MATN3: variants seen among roughly 807,000 people sequenced by gnomAD.
MATN3 encodes the protein matrilin-3.
A neutral mutation model predicts 45.3 loss-of-function variants in MATN3; 48 were observed. The ratio of observed to expected loss-of-function variants is 1.06; its 90% CI spans 0.84 to 1.35. The LOEUF is 1.35. Among genes scored for constraint, MATN3 ranks in the 40% most tolerant of loss-of-function variants. MATN3 has a pLI of 0.00. For synonymous variants in MATN3, 217 were observed against 245.9 expected (o/e 0.88, Z 1.10); for missense variants, 599 against 628.0 (o/e 0.95, Z 0.49).
intron 2 of MATN3, 138 bp downstream of exon 2, chr2:20,005,606 G>GCACACA (rs147178840): frequency 1.4e-6 from 1 of 699,108 alleles, no homozygotes; most frequent in African/African-American, 1.8e-5. Context: ...ATGCACACGT[G>GCACACA]CACACACACA....
At chr2:20,009,014 C>T (rs566497441) in intron 1 of MATN3, among the ~76,000 whole-genome samples, 1 of 152,070 alleles carries the variant, frequency 6.6e-6, no homozygotes, top group South Asian at 2.1e-4. Flanking sequence ...CACTTGAGCT[C>T]CGGAGTTCTA....
intron 1 of MATN3, 65 bp from the exon 2 acceptor site, chr2:20,006,375 C>A (rs1016672982): frequency 2.4e-5 from 31 of 1,303,492 alleles, no homozygotes; most frequent in Non-Finnish European, 2.9e-5. Context: ...TTCCAGAGAA[C>A]TCTGGGATTC....
intron 3 of MATN3, 111 bp from the exon 4 acceptor site, chr2:20,002,191 C>CACACACACACACCCAG: frequency 1.3e-6 from 1 of 756,946 alleles, no homozygotes; most frequent in Non-Finnish European, 2.0e-6. Context: ...CACACACACA[C>CACACACACACACCCAG]AGAGCTAATG....
At chr2:19,994,457 T>G in intron 6 of MATN3, 48 bp from the exon 7 acceptor site, 1 of 1,047,412 alleles carries the variant, frequency 9.5e-7, no homozygotes, top group Non-Finnish European at 1.4e-6. Context: ...AATAGCTATA[T>G]AGGAATCATA....
chr2:19,992,314 G>T lies in MATN3; in HGVS notation c.*797C>A, dbSNP rs1672773411. ...AGCACTTTGGGAGGCTGAGGCAGGT[G>T]GATCACTAACATTAAAAAGACAACA... On this transcript the variant is annotated 3_prime_UTR_variant, in exon 8 of 8. Transcript: ENST00000407540. 1 of 152,014 alleles carries T rather than the reference G, an allele frequency of 6.6e-6. No homozygotes were observed. 9.4% of individuals were successfully genotyped at this position (152,014 alleles called of 1,614,324 possible).
chr2:20,006,057 G>C lies in MATN3; in HGVS notation c.477C>G (p.Gly159=), dbSNP rs1673099589. ...AVGRITPLST[G]TMSGLAIQTA... ...TCTGGATGGCTAGGCCTGACATGGTGCCTGTTGACAAGGGTGTGATTCGAC... is the reference window on the plus strand; with the variant it reads ...TCTGGATGGCTAGGCCTGACATGGTCCCTGTTGACAAGGGTGTGATTCGAC... The change falls in exon 2 of 8, where the codon GGC becomes GGG. Residue 159 remains glycine (G), a synonymous_variant. Coordinates refer to ENST00000407540, the MANE Select transcript of MATN3 (RefSeq NM_002381.5). 7.4e-6 allele frequency: 12 copies of C among 1,614,042 alleles called. No homozygotes were observed. The East Asian group carries it at 2.7e-4, about 36-fold the overall frequency.
rs554056080 is a variant in MATN3 at position 19,995,511 on chromosome 2, G to A, written c.1295-1102C>T. ...GGTTAAGTCCTGATTTCCTCTAGAG[G>A]ACTGTTATTCTATTTAATGGTTTGA... On this transcript the variant is annotated intron_variant, in intron 6 of 7. Transcript: ENST00000407540. The surrounding 1 kb of genome is among the most constrained non-coding windows in gnomAD (Gnocchi z 4.2). Among the ~76,000 whole-genome samples the A allele has an allele frequency of 6.6e-6, 1 of 152,270 alleles. No individual in the cohort carries two copies. Among genetic ancestry groups the A allele is most frequent in the African/African-American group, 2.4e-5 (1 of 41,542 alleles).
At chr2:20,009,982 G>A (rs1158843053) in intron 1 of MATN3, among the ~76,000 whole-genome samples, 2 of 145,072 alleles carry the variant, frequency 1.4e-5, no homozygotes, top group African/African-American at 2.6e-5. Flanking sequence ...TGACCATCTT[G>A]AGCACATGTA....
chr2:20,002,047 C>T lies in MATN3; in HGVS notation c.950G>A (p.Cys317Tyr). Residue 317 changes from cysteine to tyrosine, a missense_variant, in exon 4 of 8, where the codon TGT (cysteine) becomes TAT (tyrosine). Physicochemically the swap from Cys to Tyr is radical, Grantham distance 194. Coordinates refer to ENST00000407540, the MANE Select transcript of MATN3 (RefSeq NM_002381.5). Reference sequence around the variant, plus strand: ...TCTGTCATTCACACAGATGTGCTCACATCCGTGGGTGTTAAGAGCACACCT... The same window carrying T: ...TCTGTCATTCACACAGATGTGCTCATATCCGTGGGTGTTAAGAGCACACCT... ...LDRCALNTHGCEHICVNDRSG... is the reference protein window; with the variant it reads ...LDRCALNTHGYEHICVNDRSG... 1.9e-6 allele frequency: 3 copies of T among 1,613,394 alleles called. No homozygotes were observed. The highest frequency in any genetic ancestry group is 1.1e-5 in the South Asian group (1 of 91,014).
In MATN3 at chr2:19,993,125, G is replaced by A; in HGVS notation, c.1447C>T (p.Gln483Ter). The change falls in exon 8 of 8, where the codon CAA becomes TAA. Residue 483 changes from glutamine (Q) to a stop codon, truncating the protein, a stop_gained. Transcript: ENST00000407540. LOFTEE classifies it high-confidence loss of function. ...ATTGGAGCAATTTAACGATGTATTT[G>A]TCCATATTCATTTATTTTCAACTTC... ...LEKLKINEYG[Q>*]IHR The A allele has an allele frequency of 1.2e-6, 2 of 1,612,534 alleles. No individual in the cohort carries two copies. The highest frequency in any genetic ancestry group is 1.7e-6 in the Non-Finnish European group (2 of 1,178,850).
intron 7 of MATN3, 149 bp downstream of exon 7, chr2:19,994,150 C>G (rs1672815167): frequency 1.7e-6 from 1 of 580,932 alleles, no homozygotes; most frequent in African/African-American, 1.9e-5. Context: ...GAAAAGAACT[C>G]TAAATTTTTT....
intron 1 of MATN3, among the ~76,000 whole-genome samples, chr2:20,009,178 T>C (rs2103485467): frequency 7.2e-6 from 1 of 139,044 alleles, no homozygotes; most frequent in Non-Finnish European, 1.5e-5. Context: ...TGAGCCACAA[T>C]CACACCACTG....
chr2:20,007,691 ACC>A (rs2103484864), intron 1 of MATN3, among the ~76,000 whole-genome samples: 1 of 152,258 alleles, frequency 6.6e-6, no homozygotes, highest in South Asian at 2.1e-4. Flanking sequence ...TTATTCATTC[ACC>A]AAAAACATTT....
At chr2:20,000,237 A>C (rs946699078) in intron 5 of MATN3, among the ~76,000 whole-genome samples, 1 of 152,042 alleles carries the variant, frequency 6.6e-6, no homozygotes, top group Non-Finnish European at 1.5e-5. Flanking sequence ...CTCCCTACCT[A>C]TTTCCCAGTA....
In MATN3 at chr2:19,992,971, T is replaced by G. The variant is rs1672788383; in HGVS notation, c.*140A>C. The G allele has an allele frequency of 1.5e-6, 1 of 678,022 alleles. No individual in the cohort carries two copies. The highest frequency in any genetic ancestry group is 2.6e-6 in the Non-Finnish European group (1 of 384,200). 42.0% of individuals were successfully genotyped at this position (678,022 alleles called of 1,614,324 possible). A position where few individuals can be genotyped will look rare whatever the true frequency, so the allele number is the denominator to read the frequency against. ...ATTCTGCAGAAGATCTTCATACAAT[T>G]TATCCAGTAATATTCAAGCATTAAT... On this transcript the variant is annotated 3_prime_UTR_variant, in exon 8 of 8. Coordinates refer to ENST00000407540, the MANE Select transcript of MATN3 (RefSeq NM_002381.5).
At position 20,012,151 on chromosome 2, in the gene MATN3, A is replaced by C. The variant is rs1445939470; in HGVS notation, c.223+258T>G. Among the ~76,000 whole-genome samples the C allele has an allele frequency of 6.6e-6, 1 of 152,170 alleles. No homozygotes were observed. The highest frequency in any genetic ancestry group is 1.9e-4 in the East Asian group (1 of 5,188). On this transcript the variant is annotated intron_variant, in intron 1 of 7. Transcript: ENST00000407540. This position sits in a 1 kb window ranked among gnomAD's most constrained non-coding sequence, Gnocchi z 4.3. ...CTGGGCAGCAGCCCCTGCGCTCCCC[A>C]GCTGCCCTGTGCTCCTGGCCGAATC...
chr2:20,008,653 C>G (rs1673159921), intron 1 of MATN3, among the ~76,000 whole-genome samples: 1 of 152,040 alleles, frequency 6.6e-6, no homozygotes, highest in South Asian at 2.1e-4. Context: ...ACCTGTGAGG[C>G]TGGAGGTGCA....
At chr2:20,007,693 CA>C (rs1673135644) in intron 1 of MATN3, among the ~76,000 whole-genome samples, 1 of 152,186 alleles carries the variant, frequency 6.6e-6, no homozygotes, top group African/African-American at 2.4e-5. Flanking sequence ...ATTCATTCAC[CA>C]AAAACATTTT....
chr2:19,992,329 A>C lies in MATN3; in HGVS notation c.*782T>G, dbSNP rs1198393327. On this transcript the variant is annotated 3_prime_UTR_variant, in exon 8 of 8. Transcript: ENST00000407540. ...TGAGGCAGGTGGATCACTAACATTA[A>C]AAAGACAACATTAGATTTTGTCGAT... 6.6e-6 allele frequency: 1 copy of C among 152,150 alleles called. No homozygotes were observed. Among genetic ancestry groups the C allele is most frequent in the East Asian group, 1.9e-4 (1 of 5,208 alleles). 9.4% of individuals were successfully genotyped at this position (152,150 alleles called of 1,614,324 possible).
Sources: gnomAD v4.1 joint callset for allele counts (sites outside exome capture counted in the v4.1 genomes callset) on GRCh38, gnomAD v4.1.1 for gene constraint, Gnocchi (gnomAD v3.1) non-coding constraint, MANE v1.5 for transcripts, NCBI Gene and HGNC (gene_info 2026-07-23, HGNC 2026-07-21) for gene names.